The following MYO5B variants were observed in gnomAD, a reference collection of about 807,000 sequenced individuals.
MYO5B encodes unconventional myosin-Vb.
Under a neutral mutation model 229.3 loss-of-function variants are expected in MYO5B, and 143 were observed. That is an observed-to-expected ratio of 0.62 (90% CI 0.54 to 0.72). The LOEUF is 0.72. MYO5B is among the 30% of genes least tolerant of loss of function. The probability of loss-of-function intolerance (pLI) is 0.00; values close to 1 mark genes in which losing one functional copy is unlikely to be tolerated. For synonymous variants in MYO5B, 918 were observed against 885.2 expected, an observed-to-expected ratio of 1.04 and a Z score of -0.66; for missense variants, 2,321 against 2,331.0, an observed-to-expected ratio of 1.00 and a Z score of 0.09.
chr18:50,042,830 C>T (rs1598974936), intron 2 of MYO5B, among the ~76,000 whole-genome samples: 1 of 152,186 alleles, frequency 6.6e-6, no homozygotes, highest in East Asian at 1.9e-4. Context: ...TGCAGAGCCA[C>T]AGAGCTCATG....
At chr18:50,172,897 A>G (rs1434966081) in intron 1 of MYO5B, among the ~76,000 whole-genome samples, 2 of 152,256 alleles carry the variant, frequency 1.3e-5, no homozygotes, top group Non-Finnish European at 2.9e-5. Flanking sequence ...AGACTGGGAA[A>G]GAACATCTAT....
At chr18:49,888,490 G>A (rs1619014) in intron 22 of MYO5B, among the ~76,000 whole-genome samples, 88,204 of 151,938 alleles carry the variant, frequency 0.58, 25,752 homozygotes, top group Middle Eastern at 0.67. Context: ...GGAAGAACAA[G>A]TGCCTAAAGG....
intron 10 of MYO5B, among the ~76,000 whole-genome samples, chr18:49,974,080 G>A (rs537865893): frequency 6.9e-4 from 105 of 152,302 alleles, no homozygotes; most frequent in African/African-American, 2.3e-3. Flanking sequence ...AAAAACTGAC[G>A]CTTACAGGGT....
chr18:50,042,825 A>G (rs2030061183), intron 2 of MYO5B, among the ~76,000 whole-genome samples: 1 of 152,156 alleles, frequency 6.6e-6, no homozygotes. Flanking sequence ...CCAGGTGCAG[A>G]GCCACAGAGC....
chr18:50,074,792 G>A (rs760576778), intron 1 of MYO5B, among the ~76,000 whole-genome samples: 7 of 152,148 alleles, frequency 4.6e-5, no homozygotes, highest in Admixed American at 6.5e-5. Flanking sequence ...ATAAGTTCCA[G>A]GAGATTGGAG....
chr18:49,936,222 T>C (rs2025248081), intron 16 of MYO5B, 30 bp downstream of exon 16: 1 of 1,542,302 alleles, frequency 6.5e-7, no homozygotes, highest in South Asian at 1.2e-5. Context: ...AAGGCTGGGC[T>C]GGACAGGCTA....
intron 1 of MYO5B, among the ~76,000 whole-genome samples, chr18:50,175,236 T>C (rs1423155306): frequency 1.3e-5 from 2 of 152,188 alleles, no homozygotes; most frequent in South Asian, 4.1e-4. Context: ...CCCTCTTTAC[T>C]TTCACTCTCC....
rs184994613 is a variant in MYO5B at position 50,061,253 on chromosome 18, C to T, written c.28-5875G>A. 3.3e-4 allele frequency among the ~76,000 whole-genome samples: 50 copies of T among 152,260 alleles called. 1 individual carries two copies. In the East Asian group the frequency reaches 5.8e-3, roughly 18 times the overall value. On this transcript the variant is annotated intron_variant, in intron 1 of 39. Coordinates refer to ENST00000285039, the MANE Select transcript of MYO5B (RefSeq NM_001080467.3). ...TAAGTTGATGAATGGGTCTGAGCCC[C>T]AGTTTCCTTAGCTGAACAACAGGTA... is the stretch of plus-strand genomic sequence containing the variant.
intron 1 of MYO5B, among the ~76,000 whole-genome samples, chr18:50,147,899 T>A (rs1184071429): frequency 6.6e-6 from 1 of 152,018 alleles, no homozygotes; most frequent in African/African-American, 2.4e-5. Context: ...CATTAGCGGA[T>A]GTGAAAAATG....
intron 1 of MYO5B, among the ~76,000 whole-genome samples, chr18:50,068,853 TTA>T (rs1000550471): frequency 2.0e-5 from 3 of 152,228 alleles, no homozygotes; most frequent in Non-Finnish European, 4.4e-5. Context: ...CCATTTGCAC[TTA>T]TCATTTAACC....
At chr18:49,849,704 C>G (rs780421247) in intron 31 of MYO5B, 44 bp from the exon 32 acceptor site, 2 of 1,499,358 alleles carry the variant, frequency 1.3e-6, no homozygotes, top group Non-Finnish European at 9.3e-7. Flanking sequence ...TCAGCCCGGC[C>G]TGGGATGGTG....
intron 4 of MYO5B, among the ~76,000 whole-genome samples, chr18:50,033,316 C>T (rs545038876): frequency 6.6e-6 from 1 of 152,254 alleles, no homozygotes; most frequent in Non-Finnish European, 1.5e-5. Flanking sequence ...TCTGTGCATC[C>T]TACCAATTCA....
intron 1 of MYO5B, among the ~76,000 whole-genome samples, chr18:50,185,184 A>G (rs1599086952): frequency 6.6e-6 from 1 of 152,130 alleles, no homozygotes; most frequent in East Asian, 1.9e-4. Flanking sequence ...CATTGTTCCC[A>G]GTGATCAATA....
Position 49,853,643 on chromosome 18 carries a change from G to A in MYO5B, c.4027C>T (p.Leu1343=), listed in dbSNP as rs1386014281. ...YQGLKQVARL[L]EAQLQAQSLE... ...CTCTGGGCCTGCAGCTGAGCCTCCA[G>A]CAGCCTGTGCCAGGGAGAGGACAGG... Residue 1343 remains leucine (L), a synonymous_variant, in exon 31 of 40, where the codon CTG becomes TTG. Transcript: ENST00000285039. 2.5e-6 allele frequency: 4 copies of A among 1,612,174 alleles called. No homozygotes were observed. In the African/African-American group the frequency reaches 5.3e-5, roughly 22 times the overall value.
chr18:50,045,258 T>C (rs752567759), intron 2 of MYO5B, among the ~76,000 whole-genome samples: 28 of 152,182 alleles, frequency 1.8e-4, no homozygotes, highest in Admixed American at 6.5e-5. Context: ...TTTCTATCAC[T>C]GTGGGAACAT....
intron 21 of MYO5B, among the ~76,000 whole-genome samples, chr18:49,895,799 C>A (rs1016300609): frequency 3.9e-5 from 6 of 152,178 alleles, no homozygotes; most frequent in Admixed American, 3.9e-4. Flanking sequence ...ATACTCAATC[C>A]CAGCCCACTC....
rs1295810623 is a variant in MYO5B, at chr18:49,826,519, T to C, written c.5499A>G (p.Ser1833=). The C allele has an allele frequency of 1.2e-5, 19 of 1,614,086 alleles. No individual in the cohort carries two copies. Among genetic ancestry groups the C allele is most frequent in the Non-Finnish European group, 1.6e-5 (19 of 1,179,950 alleles). The change falls in exon 40 of 40, where the codon TCA becomes TCG. Residue 1833 remains serine, a synonymous_variant. Coordinates refer to ENST00000285039, the MANE Select transcript of MYO5B (RefSeq NM_001080467.3). ...PFNPSSLTMD[S]IHIPACLNLE... is the part of the protein sequence containing the mutation. ...GATTGAGACACGCTGGGATGTGGAT[T>C]GAGTCCATGGTTAGAGAAGATGGAT...
intron 7 of MYO5B, among the ~76,000 whole-genome samples, chr18:49,988,152 C>A (rs905758689): frequency 6.6e-6 from 1 of 152,138 alleles, no homozygotes; most frequent in Non-Finnish European, 1.5e-5. Context: ...ATTTGAATTG[C>A]GTGTTTTGGG....
intron 17 of MYO5B, among the ~76,000 whole-genome samples, chr18:49,918,926 G>T (rs1163421478): frequency 5.9e-5 from 9 of 152,186 alleles, no homozygotes. Flanking sequence ...AGAAGAGAGG[G>T]ACACCTTCTC....
Sources: allele counts gnomAD v4.1 joint callset (sites outside exome capture counted in the v4.1 genomes callset), GRCh38; gene constraint gnomAD v4.1.1; transcripts MANE v1.5; gene names NCBI Gene and HGNC (gene_info 2026-07-23, HGNC 2026-07-21).